SMOC2: variants seen among roughly 807,000 people sequenced by gnomAD.
The protein encoded by SMOC2 is SPARC related modular calcium binding 2.
SMOC2 carries 39 observed loss-of-function variants against 61.4 expected under a neutral mutation model. That is an observed-to-expected ratio of 0.64 (90% CI 0.49 to 0.83). The LOEUF is 0.83. Ranked by LOEUF, SMOC2 falls within the 40% of genes least tolerant of loss-of-function variation. The pLI is 0.00. For synonymous variants in SMOC2, 247 were observed against 239.9 expected (o/e 1.03, Z -0.27); for missense variants, 556 against 592.9 (o/e 0.94, Z 0.65).
At chr6:168,520,376 A>G (rs888820208) in intron 2 of SMOC2, among the ~76,000 whole-genome samples, 6 of 152,188 alleles carry the variant, frequency 3.9e-5, no homozygotes, top group Non-Finnish European at 7.3e-5. Flanking sequence ...TGGCCACTAC[A>G]AAGACACCAT....
In SMOC2 at chr6:168,453,971, T is replaced by C. The variant is rs2114996148; in HGVS notation, c.84+12517T>C. On this transcript the variant is annotated intron_variant, in intron 1 of 12. Transcript: ENST00000356284. This position sits in a 1 kb window ranked among gnomAD's most constrained non-coding sequence, Gnocchi z 4.4. ...TCTGCCATTCTCCCTCTCTGTTTTG[T>C]CTATCTTTCTTTGCCCCTCTATTTC... Among the ~76,000 whole-genome samples the C allele has an allele frequency of 6.6e-6, 1 of 152,236 alleles. No individual in the cohort carries two copies. Among genetic ancestry groups the C allele is most frequent in the Non-Finnish European group, 1.5e-5 (1 of 67,990 alleles).
chr6:168,459,864 C>T (rs1028360767), intron 1 of SMOC2, among the ~76,000 whole-genome samples: 4 of 150,738 alleles, frequency 2.7e-5, no homozygotes, highest in African/African-American at 9.8e-5. Flanking sequence ...CTGGGTGAGC[C>T]CGGGGGTGGG....
At chr6:168,518,439 C>T (rs929422503) in intron 2 of SMOC2, among the ~76,000 whole-genome samples, 1 of 147,454 alleles carries the variant, frequency 6.8e-6, no homozygotes, top group East Asian at 2.0e-4. Context: ...GCATGTGTGA[C>T]TGTGAATGTG....
At chr6:168,472,059 C>T (rs1174003223) in intron 1 of SMOC2, among the ~76,000 whole-genome samples, 1 of 152,174 alleles carries the variant, frequency 6.6e-6, no homozygotes, top group African/African-American at 2.4e-5. Flanking sequence ...TGATGCAGTC[C>T]AGTTTATCCA....
chr6:168,582,703 TC>T (rs1266876598), intron 7 of SMOC2, among the ~76,000 whole-genome samples: 6 of 151,666 alleles, frequency 4.0e-5, no homozygotes, highest in African/African-American at 9.7e-5. Flanking sequence ...AGACGCAGGC[TC>T]CCCCCACCTG....
At chr6:168,526,870 C>G (rs1044688020) in intron 3 of SMOC2, among the ~76,000 whole-genome samples, 1 of 152,118 alleles carries the variant, frequency 6.6e-6, no homozygotes, top group Non-Finnish European at 1.5e-5. Context: ...ATCATTCATT[C>G]CAACCTGATG....
chr6:168,473,220 G>A (rs566725001), intron 1 of SMOC2, among the ~76,000 whole-genome samples: 1 of 152,302 alleles, frequency 6.6e-6, no homozygotes, highest in East Asian at 1.9e-4. Context: ...TGAGGCAGAT[G>A]CCTGGAGCAG....
chr6:168,463,979 C>T (rs1280257309), intron 1 of SMOC2, among the ~76,000 whole-genome samples: 1 of 151,960 alleles, frequency 6.6e-6, no homozygotes. Context: ...TCACTTAAGC[C>T]CAGGAGTTCT....
At chr6:168,648,713 C>T (rs1787110852) in intron 9 of SMOC2, among the ~76,000 whole-genome samples, 1 of 152,168 alleles carries the variant, frequency 6.6e-6, no homozygotes, top group Admixed American at 6.5e-5. Context: ...GACCTTTTTG[C>T]ACTCTCAGAA....
intron 7 of SMOC2, among the ~76,000 whole-genome samples, chr6:168,556,085 G>A (rs1784242341): frequency 6.6e-6 from 1 of 152,142 alleles, no homozygotes; most frequent in Non-Finnish European, 1.5e-5. Context: ...CTTCACTGTT[G>A]AGGGGACCCC....
chr6:168,656,314 C>T (rs1475253116), intron 11 of SMOC2, among the ~76,000 whole-genome samples: 3 of 151,860 alleles, frequency 2.0e-5, no homozygotes, highest in Admixed American at 6.6e-5. Context: ...AGTTCAAAGT[C>T]AGCCTGGCCA....
At chr6:168,473,975 C>G (rs1782022923) in intron 1 of SMOC2, among the ~76,000 whole-genome samples, 1 of 152,066 alleles carries the variant, frequency 6.6e-6, no homozygotes, top group Non-Finnish European at 1.5e-5. Flanking sequence ...GATCACTGAC[C>G]TTACCACATC....
At chr6:168,626,069 T>C (rs1327966475) in intron 9 of SMOC2, among the ~76,000 whole-genome samples, 1 of 152,220 alleles carries the variant, frequency 6.6e-6, no homozygotes, top group Non-Finnish European at 1.5e-5. Context: ...CCTCAGTCAC[T>C]GGAGAAATTA....
At chr6:168,523,145 G>A (rs35768251) in intron 2 of SMOC2, among the ~76,000 whole-genome samples, 6,383 of 117,534 alleles carry the variant, frequency 0.054, 341 homozygotes, top group East Asian at 0.25. Flanking sequence ...GCGGACTGCA[G>A]TGGCGCAATC....
intron 9 of SMOC2, among the ~76,000 whole-genome samples, chr6:168,642,599 G>T (rs1562400252): frequency 6.6e-6 from 1 of 152,168 alleles, no homozygotes; most frequent in Non-Finnish European, 1.5e-5. Context: ...TCCAAAAGAG[G>T]CGCTTGATGT....
At chr6:168,603,771 A>T (rs1785618512) in intron 8 of SMOC2, among the ~76,000 whole-genome samples, 1 of 151,984 alleles carries the variant, frequency 6.6e-6, no homozygotes, top group Non-Finnish European at 1.5e-5. Flanking sequence ...GCTTGAAGGA[A>T]ATGGCAGGGG....
intron 9 of SMOC2, among the ~76,000 whole-genome samples, chr6:168,628,844 G>C (rs549628719): frequency 2.0e-5 from 3 of 152,220 alleles, no homozygotes; most frequent in Non-Finnish European, 4.4e-5. Flanking sequence ...CTTTAACCAG[G>C]CCATTCACTG....
At position 168,453,598 on chromosome 6, in the gene SMOC2, G is replaced by T. The variant is rs927907327; in HGVS notation, c.84+12144G>T. On this transcript the variant is annotated intron_variant, in intron 1 of 12. Coordinates refer to ENST00000356284, the MANE Select transcript of SMOC2 (RefSeq NM_001166412.2). This position sits in a 1 kb window ranked among gnomAD's most constrained non-coding sequence, Gnocchi z 4.4. ...TCTGCCATTTGCTCTCTCTCTTTCT[G>T]TCTGTCTCTGTTTCTTCCTGTCTCT... is the stretch of plus-strand genomic sequence containing the variant. 8.8e-5 allele frequency among the ~76,000 whole-genome samples: 13 copies of T among 147,624 alleles called. No homozygotes were observed. Among genetic ancestry groups the T allele is most frequent in the African/African-American group, 3.4e-4 (13 of 38,310 alleles).
At chr6:168,647,240 A>T (rs1050105923) in intron 9 of SMOC2, among the ~76,000 whole-genome samples, 1 of 152,200 alleles carries the variant, frequency 6.6e-6, no homozygotes, top group Non-Finnish European at 1.5e-5. Flanking sequence ...TTTGACGCCA[A>T]CCCTTCCATG....
Sources: gnomAD v4.1 joint callset for allele counts (sites outside exome capture counted in the v4.1 genomes callset) on GRCh38, gnomAD v4.1.1 for gene constraint, Gnocchi (gnomAD v3.1) non-coding constraint, MANE v1.5 for transcripts, NCBI Gene and HGNC (gene_info 2026-07-23, HGNC 2026-07-21) for gene names.